Variants in CMIP observed in about 807,000 individuals in gnomAD.
The protein encoded by CMIP is c-Maf inducing protein, also known as C-Maf-inducing protein.
A neutral mutation model predicts 97.3 loss-of-function variants in CMIP; 13 were observed. The ratio of observed to expected loss-of-function variants is 0.13; its 90% CI spans 0.09 to 0.21. CMIP has a LOEUF of 0.21. Among genes scored for constraint, CMIP ranks in the 10% least tolerant of loss-of-function variants. The probability of loss-of-function intolerance (pLI) is 1.00; values close to 1 mark genes in which losing one functional copy is unlikely to be tolerated. For synonymous variants in CMIP, 538 were observed against 436.3 expected (o/e 1.23, Z -2.91); for missense variants, 847 against 1,024.9 (o/e 0.83, Z 2.37).
intron 1 of CMIP, among the ~76,000 whole-genome samples, chr16:81,585,620 T>A (rs1239271611): frequency 6.6e-6 from 1 of 152,178 alleles, no homozygotes; most frequent in Non-Finnish European, 1.5e-5. Context: ...TTTTCAAGGT[T>A]CATCCATGTC....
chr16:81,452,755 T>G (rs1906297944), intron 1 of CMIP, among the ~76,000 whole-genome samples: 1 of 152,172 alleles, frequency 6.6e-6, no homozygotes, highest in Non-Finnish European at 1.5e-5. Context: ...GAGCTGTTAT[T>G]ATCTGTTTAA....
At chr16:81,608,827 A>G (rs2091785240) in intron 2 of CMIP, among the ~76,000 whole-genome samples, 1 of 152,260 alleles carries the variant, frequency 6.6e-6, no homozygotes, top group Admixed American at 6.5e-5. Flanking sequence ...AGTGGGAAGA[A>G]GACCTGCCTT....
intron 1 of CMIP, among the ~76,000 whole-genome samples, chr16:81,550,994 C>CT: frequency 6.8e-6 from 1 of 147,854 alleles, no homozygotes; most frequent in East Asian, 2.0e-4. Context: ...TCACACGCAC[C>CT]CCAGTCCCGT....
At chr16:81,477,474 G>C (rs1966957) in intron 1 of CMIP, among the ~76,000 whole-genome samples, 106,391 of 152,106 alleles carry the variant, frequency 0.7, 38,004 homozygotes, top group African/African-American at 0.85. Context: ...ATTCTTAAGG[G>C]GTAGATACAG....
At chr16:81,536,779 TATAGAAAC>T (rs1235010055) in intron 1 of CMIP, among the ~76,000 whole-genome samples, 1 of 151,990 alleles carries the variant, frequency 6.6e-6, no homozygotes, top group Non-Finnish European at 1.5e-5. Flanking sequence ...AAAATGTTGT[TATAGAAAC>T]ATACGTGCGT....
intron 9 of CMIP, among the ~76,000 whole-genome samples, chr16:81,673,901 T>C (rs2092705510): frequency 6.6e-6 from 1 of 152,164 alleles, no homozygotes; most frequent in South Asian, 2.1e-4. Context: ...GAGCTGGGGA[T>C]ACAGCAGGAG....
At chr16:81,514,061 G>T (rs546594354) in intron 1 of CMIP, among the ~76,000 whole-genome samples, 1 of 152,234 alleles carries the variant, frequency 6.6e-6, no homozygotes, top group Admixed American at 6.5e-5. Flanking sequence ...CAAAAACGCC[G>T]CCAGCTTTGT....
At chr16:81,691,581 C>G in intron 10 of CMIP, 194 bp from the exon 11 acceptor site, 1 of 621,542 alleles carries the variant, frequency 1.6e-6, no homozygotes, top group Non-Finnish European at 2.9e-6. Flanking sequence ...CTGCACAGGC[C>G]CAGTTGTGAG....
At chr16:81,487,524 G>A (rs1485930146) in intron 1 of CMIP, among the ~76,000 whole-genome samples, 1 of 152,188 alleles carries the variant, frequency 6.6e-6, no homozygotes, top group Non-Finnish European at 1.5e-5. Context: ...AGCATGGCCC[G>A]CGTGGCTTCC....
At chr16:81,486,355 T>A (rs1266504050) in intron 1 of CMIP, among the ~76,000 whole-genome samples, 1 of 151,966 alleles carries the variant, frequency 6.6e-6, no homozygotes, top group Non-Finnish European at 1.5e-5. Context: ...CCCTGGGAGG[T>A]AGATATGATC....
intron 1 of CMIP, among the ~76,000 whole-genome samples, chr16:81,551,189 G>C (rs532049871): frequency 8.2e-6 from 1 of 121,490 alleles, no homozygotes; most frequent in Non-Finnish European, 1.7e-5. Flanking sequence ...TCTATCACAC[G>C]TACCCCAGTT....
intron 6 of CMIP, among the ~76,000 whole-genome samples, chr16:81,661,951 G>C (rs948295950): frequency 2.0e-5 from 3 of 152,150 alleles, no homozygotes; most frequent in Non-Finnish European, 4.4e-5. Flanking sequence ...CTTAATGTGG[G>C]CATGTGCAAT....
intron 1 of CMIP, chr16:81,520,350 C>T (rs1409391582): frequency 1.3e-5 from 2 of 152,158 alleles, no homozygotes; most frequent in Non-Finnish European, 2.9e-5. Flanking sequence ...TGAACAATGC[C>T]TAGAACAAAT....
chr16:81,505,291 C>T lies in CMIP; in HGVS notation c.300+59750C>T, dbSNP rs1244661654. Among the ~76,000 whole-genome samples, 3 of 152,174 alleles carry T rather than the reference C, an allele frequency of 2.0e-5. No homozygotes were observed. In the East Asian group the frequency reaches 5.8e-4, roughly 29 times the overall value. On this transcript the variant is annotated intron_variant, in intron 1 of 20. Coordinates refer to ENST00000537098, the MANE Select transcript of CMIP (RefSeq NM_198390.3). ...GTGAAGAGGGAAGGGAAGTGGAATC[C>T]CTCATGTGTTCTGAAAAAGGAGAGA... is the stretch of plus-strand genomic sequence containing the variant.
chr16:81,711,520 C>T lies in CMIP; in HGVS notation c.*1721C>T, dbSNP rs969716629. 6.6e-6 allele frequency: 1 copy of T among 150,488 alleles called. No homozygotes were observed. The allele number at this position is 150,488 out of a possible 1,614,324, so 9.3% of individuals were successfully genotyped here. A position where few individuals can be genotyped will look rare whatever the true frequency, so the allele number is the denominator to read the frequency against. ...TTGTTTGGTTTTCTTTTCTTTCCCC[C>T]CTCCGGTCCCATACTTCACAGCACT... is the stretch of plus-strand genomic sequence containing the variant. On this transcript the variant is annotated 3_prime_UTR_variant, in exon 21 of 21. Coordinates refer to ENST00000537098, the MANE Select transcript of CMIP (RefSeq NM_198390.3).
At chr16:81,639,863 G>A (rs1310922676) in intron 3 of CMIP, among the ~76,000 whole-genome samples, 1 of 152,198 alleles carries the variant, frequency 6.6e-6, no homozygotes, top group Non-Finnish European at 1.5e-5. Flanking sequence ...TGTGTAGCCA[G>A]GGTCAAGAAC....
chr16:81,460,929 C>T (rs758710038), intron 1 of CMIP, among the ~76,000 whole-genome samples: 1 of 152,128 alleles, frequency 6.6e-6, no homozygotes, highest in Non-Finnish European at 1.5e-5. Context: ...TGTATGTGAT[C>T]GTTATGACAA....
chr16:81,596,610 T>C (rs1342656511), intron 1 of CMIP, among the ~76,000 whole-genome samples: 3 of 151,954 alleles, frequency 2.0e-5, no homozygotes, highest in Non-Finnish European at 4.4e-5. Context: ...GAACACCCTG[T>C]ATCACCAACA....
Position 81,577,571 on chromosome 16 carries a change from C to T in CMIP, c.301-29996C>T, listed in dbSNP as rs542476021. Among the ~76,000 whole-genome samples the T allele has an allele frequency of 7.4e-5, 11 of 149,180 alleles. No homozygotes were observed. In the East Asian group the frequency reaches 2.2e-3, roughly 30 times the overall value. On this transcript the variant is annotated intron_variant, in intron 1 of 20. Coordinates refer to ENST00000537098, the MANE Select transcript of CMIP (RefSeq NM_198390.3). ...TTATTATCACTATCACCATCATCAC[C>T]ATCACCTTCATCACCACCATCATCC...
Sources: allele counts gnomAD v4.1 joint callset (sites outside exome capture counted in the v4.1 genomes callset), GRCh38; gene constraint gnomAD v4.1.1; transcripts MANE v1.5; gene names NCBI Gene and HGNC (gene_info 2026-07-23, HGNC 2026-07-21).